Variants in SHISA9 observed in about 807,000 individuals in gnomAD.
SHISA9 encodes shisa family member 9, also known as protein shisa-9.
Under a neutral mutation model 38.0 loss-of-function variants are expected in SHISA9, and 13 were observed. The ratio of observed to expected loss-of-function variants is 0.34; its 90% confidence interval spans 0.22 to 0.54. The LOEUF is 0.54. Ranked by LOEUF, SHISA9 falls within the 20% of genes least tolerant of loss-of-function variation. The pLI is 0.91. For missense variants in SHISA9, 538 were observed against 575.8 expected (o/e 0.93, Z 0.67); for synonymous variants, 275 against 242.0 (o/e 1.14, Z -1.27).
At chr16:13,033,312 T>C (rs2073014122) in intron 2 of SHISA9, among the ~76,000 whole-genome samples, 2 of 152,054 alleles carry the variant, frequency 1.3e-5, no homozygotes, top group Admixed American at 1.3e-4. Context: ...AAGTTCAAAG[T>C]ATTGATAACT....
chr16:12,924,923 A>G (rs1368561288), intron 2 of SHISA9, among the ~76,000 whole-genome samples: 2 of 152,220 alleles, frequency 1.3e-5, no homozygotes, highest in African/African-American at 2.4e-5. Flanking sequence ...GAGTAAAACT[A>G]TGTCTACCTT....
chr16:13,124,005 C>T (rs746755959), intron 2 of SHISA9, among the ~76,000 whole-genome samples: 10 of 152,226 alleles, frequency 6.6e-5, no homozygotes, highest in Non-Finnish European at 1.3e-4. Flanking sequence ...TGCACCGCAT[C>T]GTATCCTGCA....
At chr16:13,506,563 T>TGTGG in the SHISA9 span, among the ~76,000 whole-genome samples, 1 of 152,138 alleles carries the variant, frequency 6.6e-6, no homozygotes, top group Non-Finnish European at 1.5e-5. Context: ...GACATGCGGA[T>TGTGG]ATCCAGGAAG....
At chr16:13,428,118 A>G in the SHISA9 span, among the ~76,000 whole-genome samples, 2 of 152,216 alleles carry the variant, frequency 1.3e-5, no homozygotes, top group Non-Finnish European at 2.9e-5. Context: ...CATCCAAGCC[A>G]ATAAGAAGAT....
At chr16:13,038,849 T>G (rs950100442) in intron 2 of SHISA9, among the ~76,000 whole-genome samples, 1 of 152,220 alleles carries the variant, frequency 6.6e-6, no homozygotes, top group African/African-American at 2.4e-5. Flanking sequence ...AGAGCCTCTA[T>G]AAATATTTGT....
At chr16:12,935,999 G>A (rs1228011652) in intron 2 of SHISA9, among the ~76,000 whole-genome samples, 1 of 152,102 alleles carries the variant, frequency 6.6e-6, no homozygotes, top group East Asian at 1.9e-4. Flanking sequence ...TGAAGAGAGG[G>A]GCTGCCTTCC....
At chr16:12,959,466 C>T (rs1215015748) in intron 2 of SHISA9, among the ~76,000 whole-genome samples, 2 of 152,228 alleles carry the variant, frequency 1.3e-5, no homozygotes, top group African/African-American at 2.4e-5. Flanking sequence ...GATGGAATCA[C>T]CCCTCTACTG....
intron 2 of SHISA9, among the ~76,000 whole-genome samples, chr16:12,931,647 C>A (rs906466833): frequency 5.3e-5 from 8 of 152,280 alleles, no homozygotes; most frequent in Non-Finnish European, 1.0e-4. Flanking sequence ...CTGTAGTATT[C>A]CATGGTGTAT....
chr16:13,120,038 G>A (rs911426827), intron 2 of SHISA9, among the ~76,000 whole-genome samples: 3 of 152,124 alleles, frequency 2.0e-5, no homozygotes, highest in African/African-American at 7.2e-5. Context: ...CTTAAGGGCA[G>A]GTGGGCATGG....
intron 2 of SHISA9, among the ~76,000 whole-genome samples, chr16:13,175,482 G>C (rs1460809750): frequency 6.6e-6 from 1 of 152,198 alleles, no homozygotes; most frequent in Non-Finnish European, 1.5e-5. Flanking sequence ...TTATTTGCAG[G>C]CTGGGAAGTT....
At chr16:13,079,228 A>G (rs970945129) in intron 2 of SHISA9, among the ~76,000 whole-genome samples, 2 of 152,214 alleles carry the variant, frequency 1.3e-5, no homozygotes, top group Non-Finnish European at 2.9e-5. Flanking sequence ...CCACCTGTGT[A>G]TCTTACAAGC....
chr16:13,551,363 T>G, the SHISA9 span, among the ~76,000 whole-genome samples: 1 of 152,174 alleles, frequency 6.6e-6, no homozygotes, highest in African/African-American at 2.4e-5. Flanking sequence ...TATAAGCACA[T>G]ATGTGGGTAT....
the SHISA9 span, among the ~76,000 whole-genome samples, chr16:13,557,017 C>A: frequency 1.1e-3 from 173 of 152,274 alleles, 1 homozygote; most frequent in Admixed American, 3.5e-3. Flanking sequence ...TGAGGGGTGA[C>A]TGTAACTTTC....
intron 2 of SHISA9, among the ~76,000 whole-genome samples, chr16:13,034,008 T>C (rs997004473): frequency 2.0e-4 from 31 of 151,928 alleles, no homozygotes; most frequent in African/African-American, 6.8e-4. Flanking sequence ...TAGCCAGGTG[T>C]GGTGGCGCAT....
chr16:13,478,055 C>G, the SHISA9 span, among the ~76,000 whole-genome samples: 25 of 152,204 alleles, frequency 1.6e-4, no homozygotes, highest in Middle Eastern at 3.2e-3. Context: ...GATCATGGAT[C>G]CTGTTTTGTT....
chr16:13,444,773 TC>T, the SHISA9 span, among the ~76,000 whole-genome samples: 35 of 103,124 alleles, frequency 3.4e-4, no homozygotes, highest in Admixed American at 1.6e-3. Context: ...AAAAGATTTC[TC>T]TTTCTTCCCT....
At chr16:13,190,027 G>C (rs999751674) in intron 2 of SHISA9, among the ~76,000 whole-genome samples, 2 of 151,700 alleles carry the variant, frequency 1.3e-5, no homozygotes, top group Non-Finnish European at 2.9e-5. Flanking sequence ...CCTGTTAATA[G>C]TATCTCATTA....
At chr16:13,093,750 C>T (rs1463450220) in intron 2 of SHISA9, among the ~76,000 whole-genome samples, 1 of 152,190 alleles carries the variant, frequency 6.6e-6, no homozygotes, top group Non-Finnish European at 1.5e-5. Context: ...TCTGCCTTTG[C>T]ATCCGTTTGT....
intron 2 of SHISA9, among the ~76,000 whole-genome samples, chr16:13,019,353 G>A (rs1197139433): frequency 1.3e-5 from 2 of 152,198 alleles, no homozygotes; most frequent in East Asian, 3.9e-4. Context: ...TCAAGGTTCC[G>A]GCAGATCCAT....
Sources: allele counts gnomAD v4.1 joint callset (sites outside exome capture counted in the v4.1 genomes callset), GRCh38; gene constraint gnomAD v4.1.1; transcripts MANE v1.5; gene names NCBI Gene and HGNC (gene_info 2026-07-23, HGNC 2026-07-21).